CHRM2: variants seen among roughly 807,000 people sequenced by gnomAD.
CHRM2 encodes cholinergic receptor muscarinic 2, also known as muscarinic acetylcholine receptor M2.
CHRM2 carries 8 observed loss-of-function variants against 25.0 expected under a neutral mutation model. The ratio of observed to expected loss-of-function variants is 0.32; its 90% CI spans 0.19 to 0.58. The LOEUF is 0.58. CHRM2 is among the 20% of genes least tolerant of loss of function. The pLI, the probability that CHRM2 is intolerant of heterozygous loss-of-function variation, is 0.88. For missense variants in CHRM2, 440 were observed against 567.1 expected (o/e 0.78, Z 2.28); for synonymous variants, 202 against 205.7 (o/e 0.98, Z 0.15).
At chr7:137,001,565 A>G (rs1219703986) in intron 3 of CHRM2, among the ~76,000 whole-genome samples, 1 of 152,176 alleles carries the variant, frequency 6.6e-6, no homozygotes, top group Non-Finnish European at 1.5e-5. Context: ...AATATGAACC[A>G]GAGAGAAGTC....
chr7:137,006,770 G>T (rs1035735631), intron 3 of CHRM2, among the ~76,000 whole-genome samples: 1 of 151,574 alleles, frequency 6.6e-6, no homozygotes, highest in East Asian at 1.9e-4. Context: ...CCCCCAAAAC[G>T]TTGTACATAA....
chr7:137,017,701 C>T lies in CHRM2; in HGVS notation c.*1435C>T, dbSNP rs759698119. On this transcript the variant is annotated 3_prime_UTR_variant, in exon 4 of 4. Transcript: ENST00000680005. The stretch of plus-strand genomic sequence containing the variant: ...AATCTTTGTGACAGAAATGTAGTGG[C>T]TAACTAAATAGAGGCCAAACGAGCT... The T allele has an allele frequency of 6.6e-6, 1 of 151,880 alleles. No individual in the cohort carries two copies. The highest frequency in any genetic ancestry group is 2.4e-5 in the African/African-American group (1 of 41,382). 9.4% of individuals were successfully genotyped at this position (151,880 alleles called of 1,614,324 possible).
chr7:136,979,927 G>C (rs1271041903), intron 2 of CHRM2, among the ~76,000 whole-genome samples: 3 of 152,078 alleles, frequency 2.0e-5, no homozygotes, highest in Non-Finnish European at 4.4e-5. Context: ...TGGCTATATG[G>C]GCTCTTTTTT....
chr7:136,881,320 A>G (rs1214778974), intron 2 of CHRM2, among the ~76,000 whole-genome samples: 1 of 151,442 alleles, frequency 6.6e-6, no homozygotes. Context: ...ATGTCTTTTC[A>G]TGGCTTGATA....
intron 2 of CHRM2, among the ~76,000 whole-genome samples, chr7:136,915,417 G>A (rs1432101120): frequency 6.6e-6 from 1 of 151,802 alleles, no homozygotes. Flanking sequence ...TCATTGATGT[G>A]ACTAATTTAC....
At chr7:136,877,933 G>A (rs920511682) in intron 2 of CHRM2, among the ~76,000 whole-genome samples, 4 of 151,916 alleles carry the variant, frequency 2.6e-5, no homozygotes, top group African/African-American at 7.2e-5. Context: ...GAATGTGATC[G>A]TGAGCTAAAT....
At position 137,016,357 on chromosome 7, in the gene CHRM2, T is replaced by C; in HGVS notation, c.*91T>C. 1 of 1,286,114 alleles carries C rather than the reference T, an allele frequency of 7.8e-7. No individual in the cohort carries two copies. Among genetic ancestry groups the C allele is most frequent in the South Asian group, 1.2e-5 (1 of 81,456 alleles). 79.7% of individuals were successfully genotyped at this position (1,286,114 alleles called of 1,614,324 possible). A position where few individuals can be genotyped will look rare whatever the true frequency, so the allele number is the denominator to read the frequency against. The stretch of plus-strand genomic sequence containing the variant: ...CTCCTAGTTTTAAAATCTCTGCCAT[T>C]GCACTTTATAGTCTGATTACAAAAC... On this transcript the variant is annotated 3_prime_UTR_variant, in exon 4 of 4. Coordinates refer to ENST00000680005, the MANE Select transcript of CHRM2 (RefSeq NM_001006630.2).
chr7:136,984,513 C>A (rs1802712012), intron 2 of CHRM2, among the ~76,000 whole-genome samples: 1 of 152,118 alleles, frequency 6.6e-6, no homozygotes, highest in African/African-American at 2.4e-5. Flanking sequence ...CTGCAACTAG[C>A]CCAGTGTCTG....
intron 2 of CHRM2, among the ~76,000 whole-genome samples, chr7:136,896,119 A>G (rs1796889850): frequency 6.6e-6 from 1 of 152,130 alleles, no homozygotes; most frequent in Non-Finnish European, 1.5e-5. Flanking sequence ...TTTTTTTTCT[A>G]AAAGAAAATA....
Position 136,928,939 on chromosome 7 carries a change from C to T in CHRM2, c.-125+59521C>T, listed in dbSNP as rs116133055. Among the ~76,000 whole-genome samples the T allele has an allele frequency of 4.3e-3, 652 of 152,186 alleles. 4 individuals carry two copies. The highest frequency in any genetic ancestry group is 0.015 in the African/African-American group (631 of 41,514). On this transcript the variant is annotated intron_variant, in intron 2 of 3. Coordinates refer to ENST00000680005, the MANE Select transcript of CHRM2 (RefSeq NM_001006630.2). The stretch of plus-strand genomic sequence containing the variant: ...GTTGCTGTGAGGATGAAATAAGAGG[C>T]TCTATATGATGCATTTGATGAGGGT...
At chr7:136,885,103 A>G (rs1206210922) in intron 2 of CHRM2, among the ~76,000 whole-genome samples, 3 of 152,242 alleles carry the variant, frequency 2.0e-5, no homozygotes. Flanking sequence ...AACTTGCTTC[A>G]ATCTTTTTAG....
At chr7:136,890,764 T>C (rs1008796400) in intron 2 of CHRM2, among the ~76,000 whole-genome samples, 28 of 152,312 alleles carry the variant, frequency 1.8e-4, no homozygotes, top group African/African-American at 6.7e-4. Context: ...ATTAAATACA[T>C]ATTAAAGTCC....
chr7:136,939,523 G>T (rs376116929), intron 2 of CHRM2, among the ~76,000 whole-genome samples: 3 of 152,084 alleles, frequency 2.0e-5, no homozygotes, highest in Admixed American at 6.6e-5. Context: ...TACACAAAAG[G>T]ACTTTTTATA....
At chr7:136,891,473 C>CAA (rs1796688673) in intron 2 of CHRM2, among the ~76,000 whole-genome samples, 1 of 152,124 alleles carries the variant, frequency 6.6e-6, no homozygotes, top group Non-Finnish European at 1.5e-5. Context: ...CACAGAAGAT[C>CAA]AAAAGTACAT....
chr7:136,965,090 A>T (rs1801328968), intron 2 of CHRM2, among the ~76,000 whole-genome samples: 1 of 152,144 alleles, frequency 6.6e-6, no homozygotes, highest in African/African-American at 2.4e-5. Flanking sequence ...GATATCTATG[A>T]ATTAATGCAG....
At chr7:136,898,483 T>C (rs1797022626) in intron 2 of CHRM2, among the ~76,000 whole-genome samples, 1 of 149,948 alleles carries the variant, frequency 6.7e-6, no homozygotes, top group South Asian at 2.1e-4. Flanking sequence ...GACTATTCAA[T>C]TGCATGCCTG....
At chr7:136,927,843 C>T (rs1357560971) in intron 2 of CHRM2, among the ~76,000 whole-genome samples, 5 of 152,018 alleles carry the variant, frequency 3.3e-5, no homozygotes, top group Admixed American at 6.6e-5. Context: ...GAAAATTTCA[C>T]CATGTCATAA....
At chr7:136,949,336 G>T (rs1014458307) in intron 2 of CHRM2, among the ~76,000 whole-genome samples, 2 of 151,918 alleles carry the variant, frequency 1.3e-5, no homozygotes, top group Non-Finnish European at 2.9e-5. Flanking sequence ...TAAAACTCCA[G>T]CTGGGCACTA....
At chr7:136,970,199 C>A (rs963370202) in intron 2 of CHRM2, among the ~76,000 whole-genome samples, 3 of 152,122 alleles carry the variant, frequency 2.0e-5, no homozygotes, top group Admixed American at 2.0e-4. Context: ...AGAAAATGTG[C>A]CTGTATGATG....
Sources: allele counts gnomAD v4.1 joint callset (sites outside exome capture counted in the v4.1 genomes callset), GRCh38; gene constraint gnomAD v4.1.1; transcripts MANE v1.5; gene names NCBI Gene and HGNC (gene_info 2026-07-23, HGNC 2026-07-21).